The following GRHL1 variants were observed in gnomAD, a reference collection of about 807,000 sequenced individuals.
GRHL1 encodes grainyhead-like protein 1 homolog.
A neutral mutation model predicts 75.7 loss-of-function variants in GRHL1; 38 were observed. That is an observed-to-expected ratio of 0.50 (90% CI 0.39 to 0.66). The LOEUF (loss-of-function observed/expected upper bound fraction) is 0.66. GRHL1 is among the 30% of genes least tolerant of loss of function. GRHL1 has a pLI of 0.00. For missense variants in GRHL1, 589 were observed against 767.5 expected (o/e 0.77, Z 2.75); for synonymous variants, 266 against 279.4 (o/e 0.95, Z 0.48).
chr2:9,995,528 T>A (rs780736863), intron 12 of GRHL1, among the ~76,000 whole-genome samples: 4 of 150,768 alleles, frequency 2.7e-5, no homozygotes, highest in Non-Finnish European at 5.9e-5. Context: ...CAGTGAGCCG[T>A]GATCCATGAT....
In GRHL1 at chr2:9,971,015, G is replaced by C. The variant is rs17455158; in HGVS notation, c.1110+5634G>C. Among the ~76,000 whole-genome samples the C allele has an allele frequency of 9.3e-3, 1,416 of 152,256 alleles. 8 individuals carry two copies. Among genetic ancestry groups the C allele is most frequent in the Middle Eastern group, 0.027 (8 of 294 alleles). The stretch of plus-strand genomic sequence containing the variant: ...TCTTGGTGAGGGATTATTGAGGCTT[G>C]TAGAGTCCATTCTGTAAAAGAGGGG... On this transcript the variant is annotated intron_variant, in intron 8 of 15. Coordinates refer to ENST00000324907, the MANE Select transcript of GRHL1 (RefSeq NM_198182.3).
chr2:9,976,548 C>A (rs776045191), intron 8 of GRHL1, among the ~76,000 whole-genome samples: 7 of 152,032 alleles, frequency 4.6e-5, no homozygotes, highest in Non-Finnish European at 8.8e-5. Flanking sequence ...GTTGGAGGTT[C>A]TTTGAGGCTG....
rs1382966643 is a variant in GRHL1, at chr2:9,954,951, T to G, written c.57T>G (p.Leu19=). 2 of 1,613,736 alleles carry G rather than the reference T, an allele frequency of 1.2e-6. No homozygotes were observed. The highest frequency in any genetic ancestry group is 1.7e-6 in the Non-Finnish European group (2 of 1,179,754). The change falls in exon 2 of 16, where the codon CTT becomes CTG. Residue 19 remains leucine (L), a synonymous_variant. Coordinates refer to ENST00000324907, the MANE Select transcript of GRHL1 (RefSeq NM_198182.3). ...TGTTGGTTCTTCAGAATGAAGCACT[T>G]TATCCACAGCGGCGGTCCTACACTA... ...RPVLVLQNEA[L]YPQRRSYTSE... is the part of the protein sequence containing the mutation.
chr2:9,973,368 A>G (rs6726950), intron 8 of GRHL1, among the ~76,000 whole-genome samples: 30,530 of 151,958 alleles, frequency 0.2, 4,399 homozygotes, highest in African/African-American at 0.41. Flanking sequence ...GGGACCACAA[A>G]GCCCAGAGAG....
chr2:9,964,947 A>G (rs1667428280), intron 7 of GRHL1: 1 of 226,076 alleles, frequency 4.4e-6, no homozygotes, highest in South Asian at 1.4e-4. Context: ...ACCTTTTGTA[A>G]TGCTCTTGTT....
At chr2:9,953,868 A>T (rs767348504) in intron 1 of GRHL1, among the ~76,000 whole-genome samples, 1 of 152,222 alleles carries the variant, frequency 6.6e-6, no homozygotes, top group African/African-American at 2.4e-5. Context: ...GTAATAATTC[A>T]GAGGAGTTCC....
intron 8 of GRHL1, among the ~76,000 whole-genome samples, chr2:9,976,402 G>C (rs1443811435): frequency 2.0e-5 from 3 of 152,162 alleles, no homozygotes; most frequent in Non-Finnish European, 4.4e-5. Context: ...AGCCAGGAGT[G>C]GTGGGGACTG....
At chr2:9,958,880 T>G in intron 3 of GRHL1, 24 bp downstream of exon 3, 1 of 1,612,416 alleles carries the variant, frequency 6.2e-7, no homozygotes, top group Non-Finnish European at 8.5e-7. Context: ...CCTAACAGCA[T>G]AAAGAGTGCA....
chr2:9,974,534 T>C (rs6734239), intron 8 of GRHL1, among the ~76,000 whole-genome samples: 25,876 of 152,236 alleles, frequency 0.17, 2,804 homozygotes, highest in African/African-American at 0.31. Flanking sequence ...GCGATACTGA[T>C]GTGGGCCAGC....
rs753805083 is a variant in GRHL1 at position 9,958,871 on chromosome 2, C to T, written c.278+15C>T. 1.2e-5 allele frequency: 19 copies of T among 1,612,750 alleles called. No homozygotes were observed. In the East Asian group the frequency reaches 4.2e-4, roughly 36 times the overall value. Reference sequence around the variant, plus strand: ...CACAGCAAAAGGTAACATTCAGTGCCTAACAGCATAAAGAGTGCAGGGGGA... The same window carrying T: ...CACAGCAAAAGGTAACATTCAGTGCTTAACAGCATAAAGAGTGCAGGGGGA... On this transcript the variant is annotated intron_variant, in intron 3 of 15. Coordinates refer to ENST00000324907, the MANE Select transcript of GRHL1 (RefSeq NM_198182.3).
rs1572322986 is a variant in GRHL1 at position 9,951,965 on chromosome 2, G to A, written c.20+112G>A. ...GGCCGCGCGGGCGGGCGGGCGCGGG[G>A]CGCGAGCCGGGGGCCGCTGTCCACT... On this transcript the variant is annotated intron_variant, in intron 1 of 15. Transcript: ENST00000324907. The surrounding 1 kb of genome is among the most constrained non-coding windows in gnomAD (Gnocchi z 4.2). 2 of 535,832 alleles carry A rather than the reference G, an allele frequency of 3.7e-6. No homozygotes were observed. Among genetic ancestry groups the A allele is most frequent in the East Asian group, 2.8e-4 (2 of 7,212 alleles). 33.2% of individuals were successfully genotyped at this position (535,832 alleles called of 1,614,324 possible).
intron 1 of GRHL1, among the ~76,000 whole-genome samples, chr2:9,952,577 G>A (rs2125198226): frequency 6.6e-6 from 1 of 152,344 alleles, no homozygotes; most frequent in Middle Eastern, 3.4e-3. Flanking sequence ...TTTAGAGTGT[G>A]TGATTTAAAA....
At chr2:9,958,757 T>C (rs765521426) in intron 2 of GRHL1, 29 bp from the exon 3 acceptor site, 9 of 1,580,652 alleles carry the variant, frequency 5.7e-6, no homozygotes, top group Non-Finnish European at 7.8e-6. Flanking sequence ...GGATAAGAGC[T>C]AAATTCTTTT....
intron 8 of GRHL1, among the ~76,000 whole-genome samples, chr2:9,978,651 T>C (rs568254634): frequency 6.6e-6 from 1 of 152,310 alleles, no homozygotes; most frequent in African/African-American, 2.4e-5. Flanking sequence ...GACATCTCAC[T>C]TGGTCTTATG....
chr2:9,965,338 A>G lies in GRHL1; in HGVS notation c.1067A>G (p.Tyr356Cys). ...NTISNIEEIA[Y>C]NAISFTWDIN... is the part of the protein sequence containing the mutation. ...ATCAGTAACATCGAGGAGATTGCGTATAACGCCATTTCCTTCACATGGGAC... is the reference window on the plus strand; with the variant it reads ...ATCAGTAACATCGAGGAGATTGCGTGTAACGCCATTTCCTTCACATGGGAC... Residue 356 changes from tyrosine to cysteine, a missense_variant, in exon 8 of 16, where the codon TAT becomes TGT. Tyr to Cys is a radical substitution (Grantham distance 194). Coordinates refer to ENST00000324907, the MANE Select transcript of GRHL1 (RefSeq NM_198182.3). The G allele has an allele frequency of 6.2e-7, 1 of 1,612,498 alleles. No individual in the cohort carries two copies. Among genetic ancestry groups the G allele is most frequent in the Non-Finnish European group, 8.5e-7 (1 of 1,178,476 alleles).
chr2:9,993,654 G>C (rs1460900140), intron 12 of GRHL1, among the ~76,000 whole-genome samples: 2 of 152,196 alleles, frequency 1.3e-5, no homozygotes, highest in South Asian at 2.1e-4. Context: ...TGTGTCTGCT[G>C]CTCTCTCATG....
At chr2:9,967,307 T>C (rs1036824177) in intron 8 of GRHL1, among the ~76,000 whole-genome samples, 3 of 152,246 alleles carry the variant, frequency 2.0e-5, no homozygotes, top group Admixed American at 1.3e-4. Context: ...GCGCTTGTCA[T>C]AGGCTTGGAG....
At chr2:9,978,555 C>T (rs1291215934) in intron 8 of GRHL1, among the ~76,000 whole-genome samples, 4 of 152,314 alleles carry the variant, frequency 2.6e-5, no homozygotes, top group Admixed American at 1.3e-4. Context: ...CTGCAGAGAA[C>T]CATTGAAGGC....
intron 14 of GRHL1, 43 bp from the exon 15 acceptor site, chr2:9,998,922 C>A: frequency 1.1e-6 from 1 of 902,742 alleles, no homozygotes; most frequent in Non-Finnish European, 1.7e-6. Context: ...GTTTCTAAAG[C>A]CTTGATACAG....
Sources: gnomAD v4.1 joint callset for allele counts (sites outside exome capture counted in the v4.1 genomes callset) on GRCh38, gnomAD v4.1.1 for gene constraint, Gnocchi (gnomAD v3.1) non-coding constraint, MANE v1.5 for transcripts, NCBI Gene and HGNC (gene_info 2026-07-23, HGNC 2026-07-21) for gene names.